STAT3: variants seen among roughly 807,000 people sequenced by gnomAD.
STAT3 encodes signal transducer and activator of transcription 3.
A neutral mutation model predicts 114.3 loss-of-function variants in STAT3; 7 were observed. The ratio of observed to expected loss-of-function variants is 0.06; its 90% CI spans 0.03 to 0.11. The LOEUF (loss-of-function observed/expected upper bound fraction) is 0.11, where lower values mean the gene tolerates loss of function less well. Among genes scored for constraint, STAT3 ranks in the 10% least tolerant of loss-of-function variants. The probability of loss-of-function intolerance (pLI) is 1.00; values close to 1 mark genes in which losing one functional copy is unlikely to be tolerated. For missense variants in STAT3, 364 were observed against 960.9 expected (o/e 0.38, Z 8.21); for synonymous variants, 331 against 354.5 (o/e 0.93, Z 0.74).
chr17:42,330,066 A>G (rs933039534), intron 11 of STAT3, among the ~76,000 whole-genome samples: 6 of 151,982 alleles, frequency 3.9e-5, no homozygotes, highest in African/African-American at 1.5e-4. Flanking sequence ...TCCTCATGAA[A>G]TTTCCACATA....
In STAT3 at chr17:42,324,789, G is replaced by A. The variant is rs1352034427; in HGVS notation, c.1522C>T (p.Leu508=). 6.2e-7 allele frequency: 1 copy of A among 1,614,154 alleles called. No homozygotes were observed. The highest frequency in any genetic ancestry group is 8.5e-7 in the Non-Finnish European group (1 of 1,180,034). The change falls in exon 17 of 24, where the codon CTG becomes TTG. Residue 508 remains leucine (L), a synonymous_variant. Coordinates refer to ENST00000264657, the MANE Select transcript of STAT3 (RefSeq NM_139276.3). This position sits in a 1 kb window ranked among gnomAD's most constrained non-coding sequence, Gnocchi z 4.5. ...GTGGTGGAGGAGAACTGCCAGCTCA[G>A]GACCTCGGCCACTTGATCCCAGGTT... ...IGTWDQVAEV[L]SWQFSSTTKR...
rs1490322396 is a variant in STAT3 at position 42,388,289 on chromosome 17, G to A, written c.-34C>T. On this transcript the variant is annotated 5_prime_UTR_variant, in exon 1 of 24. Coordinates refer to ENST00000264657, the MANE Select transcript of STAT3 (RefSeq NM_139276.3). ...CTGCACCCCCTTCACCTGTTTCTCCGGCAGAGGCCGAGAGGCCGGGGCTGC... is the reference window on the plus strand; with the variant it reads ...CTGCACCCCCTTCACCTGTTTCTCCAGCAGAGGCCGAGAGGCCGGGGCTGC... 2.4e-6 allele frequency: 3 copies of A among 1,231,584 alleles called. No homozygotes were observed. Among genetic ancestry groups the A allele is most frequent in the Non-Finnish European group, 3.0e-6 (3 of 987,984 alleles). The allele number at this position is 1,231,584 out of a possible 1,614,324, so 76.3% of individuals were successfully genotyped here.
chr17:42,354,806 C>CAAAAAAAAAAAAAAAAAAAAA (rs59204136), intron 1 of STAT3, among the ~76,000 whole-genome samples: 1 of 104,442 alleles, frequency 9.6e-6, no homozygotes, highest in Non-Finnish European at 1.8e-5. Context: ...GACTCTGTCT[C>CAAAAAAAAAAAAAAAAAAAAA]AAAAAAAAAA....
intron 13 of STAT3, 32 bp downstream of exon 13, chr17:42,329,522 G>A (rs772076750): frequency 1.4e-5 from 22 of 1,613,986 alleles, no homozygotes; most frequent in Middle Eastern, 3.3e-4. Flanking sequence ...GCAGCCAGAG[G>A]CCCTTTGTGA....
chr17:42,363,161 G>T (rs2083602500), intron 1 of STAT3, among the ~76,000 whole-genome samples: 1 of 152,154 alleles, frequency 6.6e-6, no homozygotes, highest in South Asian at 2.1e-4. Context: ...AAAGTGTGTA[G>T]CCAGGTTCTC....
intron 17 of STAT3, 52 bp from the exon 18 acceptor site, chr17:42,323,677 G>A (rs1320263880): frequency 6.4e-7 from 1 of 1,567,624 alleles, no homozygotes; most frequent in Non-Finnish European, 8.8e-7. Flanking sequence ...GGGGTCAAGA[G>A]GTTATTTCTT....
intron 3 of STAT3, among the ~76,000 whole-genome samples, chr17:42,346,158 C>T (rs2082692043): frequency 6.6e-6 from 1 of 152,118 alleles, no homozygotes; most frequent in Admixed American, 6.6e-5. Flanking sequence ...GGATTACAGG[C>T]GTGAGCCACC....
intron 1 of STAT3, among the ~76,000 whole-genome samples, chr17:42,361,576 C>T (rs746004586): frequency 2.0e-5 from 3 of 152,042 alleles, no homozygotes; most frequent in Non-Finnish European, 4.4e-5. Context: ...ACGAGAACCT[C>T]GAAATCAGAG....
At chr17:42,323,469 C>G in intron 18 of STAT3, 104 bp downstream of exon 18, 1 of 1,555,616 alleles carries the variant, frequency 6.4e-7, no homozygotes, top group Non-Finnish European at 8.9e-7. Context: ...GCAGGTCCTA[C>G]TGGCCGCTGG....
chr17:42,338,898 A>G lies in STAT3; in HGVS notation c.469-86T>C, dbSNP rs1598425533. ...ATATAAAGTTTCTGAGGAGAATTCAAATGAAGCCAAAACCTCAAAAAAGAT... is the reference window on the plus strand; with the variant it reads ...ATATAAAGTTTCTGAGGAGAATTCAGATGAAGCCAAAACCTCAAAAAAGAT... On this transcript the variant is annotated intron_variant, in intron 5 of 23. Coordinates refer to ENST00000264657, the MANE Select transcript of STAT3 (RefSeq NM_139276.3). 4.8e-6 allele frequency: 6 copies of G among 1,250,052 alleles called. No homozygotes were observed. In the East Asian group the frequency reaches 1.4e-4, roughly 29 times the overall value. The allele number at this position is 1,250,052 out of a possible 1,614,324, so 77.4% of individuals were successfully genotyped here. A position where few individuals can be genotyped will look rare whatever the true frequency, so the allele number is the denominator to read the frequency against.
In STAT3 at chr17:42,384,395, G is replaced by A. The variant is rs8064997; in HGVS notation, c.-24+3884C>T. ...TCCGCGCGTCTGGGCCTCCCAAAGT[G>A]CTGGGATTACAGGCGTGAGCCACCG... is the stretch of plus-strand genomic sequence containing the variant. On this transcript the variant is annotated intron_variant, in intron 1 of 23. Transcript: ENST00000264657. Among the ~76,000 whole-genome samples the A allele has an allele frequency of 8.7e-3, 1,331 of 152,254 alleles. 25 individuals are homozygous for A. The highest frequency in any genetic ancestry group is 0.031 in the African/African-American group (1,276 of 41,542).
At chr17:42,349,778 C>G (rs2082855361) in intron 1 of STAT3, among the ~76,000 whole-genome samples, 4 of 152,308 alleles carry the variant, frequency 2.6e-5, no homozygotes, top group Admixed American at 1.3e-4. Flanking sequence ...AAAATTAGGC[C>G]AGGCGCAGTG....
chr17:42,372,227 A>T (rs2084189227), intron 1 of STAT3, among the ~76,000 whole-genome samples: 1 of 152,214 alleles, frequency 6.6e-6, no homozygotes, highest in South Asian at 2.1e-4. Flanking sequence ...ATTTATCCAG[A>T]GGAGGTGAAA....
chr17:42,355,074 C>T (rs1567737670), intron 1 of STAT3, among the ~76,000 whole-genome samples: 1 of 152,164 alleles, frequency 6.6e-6, no homozygotes, highest in Non-Finnish European at 1.5e-5. Context: ...AGGAAAATCA[C>T]TGCCAAGCAG....
Position 42,351,391 on chromosome 17 carries a change from C to T in STAT3, c.-23-2852G>A, listed in dbSNP as rs757540708. ...TCTCAAGTAACTGGGACTACAGATG[C>T]GCACCACATCTGGCTGATTATTTTT... On this transcript the variant is annotated intron_variant, in intron 1 of 23. Transcript: ENST00000264657. Among the ~76,000 whole-genome samples, 9 of 151,840 alleles carry T rather than the reference C, an allele frequency of 5.9e-5. No individual in the cohort carries two copies. In the South Asian group the frequency reaches 8.3e-4, roughly 14 times the overall value.
intron 4 of STAT3, among the ~76,000 whole-genome samples, chr17:42,340,492 G>A (rs1358826529): frequency 6.7e-6 from 1 of 149,502 alleles, no homozygotes; most frequent in Non-Finnish European, 1.5e-5. Flanking sequence ...CATAGAAAGA[G>A]ACCTCATCTC....
intron 1 of STAT3, among the ~76,000 whole-genome samples, chr17:42,357,198 G>A (rs568325597): frequency 1.3e-5 from 2 of 152,200 alleles, no homozygotes; most frequent in African/African-American, 4.8e-5. Flanking sequence ...TTAAGATTTG[G>A]AAACCCCAAT....
chr17:42,329,782 A>G lies in STAT3; in HGVS notation c.1110-6T>C, dbSNP rs775756879. 1 of 1,614,074 alleles carries G rather than the reference A, an allele frequency of 6.2e-7. No homozygotes were observed. The highest frequency in any genetic ancestry group is 8.5e-7 in the Non-Finnish European group (1 of 1,180,010). The stretch of plus-strand genomic sequence containing the variant: ...CTGCAACGTCCCCAGAGTCTCTGTA[A>G]GAACACAGACTGTTGTTAATAAAAT... On this transcript the variant is annotated splice_polypyrimidine_tract_variant and splice_region_variant and intron_variant, in intron 11 of 23. Transcript: ENST00000264657.
chr17:42,376,316 T>C (rs567275049), intron 1 of STAT3, among the ~76,000 whole-genome samples: 1 of 152,308 alleles, frequency 6.6e-6, no homozygotes, highest in African/African-American at 2.4e-5. Flanking sequence ...TTGAGAAAGT[T>C]TGTATCCACC....
Sources: allele counts gnomAD v4.1 joint callset (sites outside exome capture counted in the v4.1 genomes callset), GRCh38; gene constraint gnomAD v4.1.1; non-coding constraint Gnocchi (gnomAD v3.1); transcripts MANE v1.5; gene names NCBI Gene and HGNC (gene_info 2026-07-23, HGNC 2026-07-21).